CYTH1: variants seen among roughly 807,000 people sequenced by gnomAD.
CYTH1 encodes the protein cytohesin 1.
A neutral mutation model predicts 61.8 loss-of-function variants in CYTH1; 18 were observed. The ratio of observed to expected loss-of-function variants is 0.29; its 90% CI spans 0.20 to 0.43. The LOEUF (loss-of-function observed/expected upper bound fraction) is 0.43, where lower values mean the gene tolerates loss of function less well. CYTH1 is among the 20% of genes least tolerant of loss of function. The pLI is 1.00. For synonymous variants in CYTH1, 174 were observed against 184.3 expected, an observed-to-expected ratio of 0.94 and a Z score of 0.45; for missense variants, 336 against 510.5, an observed-to-expected ratio of 0.66 and a Z score of 3.29.
chr17:78,702,935 C>G (rs945885052), intron 3 of CYTH1, among the ~76,000 whole-genome samples: 2 of 152,080 alleles, frequency 1.3e-5, no homozygotes, highest in Non-Finnish European at 2.9e-5. Context: ...GATCCTCCCA[C>G]CTCAGCCTCC....
At chr17:78,762,748 C>T (rs2093433842) in intron 1 of CYTH1, among the ~76,000 whole-genome samples, 1 of 152,144 alleles carries the variant, frequency 6.6e-6, no homozygotes, top group South Asian at 2.1e-4. Context: ...GAGACTCAAT[C>T]AGCCACTGCT....
intron 13 of CYTH1, chr17:78,677,404 C>G (rs1467489415): frequency 5.0e-6 from 1 of 200,618 alleles, no homozygotes; most frequent in Admixed American, 5.7e-5. Flanking sequence ...CCTGCCTGGC[C>G]CTGCCTGCTG....
chr17:78,691,558 T>C (rs2092886285), intron 11 of CYTH1: 2 of 152,240 alleles, frequency 1.3e-5, no homozygotes, highest in Admixed American at 6.5e-5. Flanking sequence ...TCCATGAAGA[T>C]ACACTTGGAG....
chr17:78,730,594 GT>G (rs1200471519), intron 1 of CYTH1, among the ~76,000 whole-genome samples: 2 of 151,798 alleles, frequency 1.3e-5, no homozygotes, highest in East Asian at 3.9e-4. Flanking sequence ...CTTTTTTTAG[GT>G]CAGAAATTGA....
intron 1 of CYTH1, among the ~76,000 whole-genome samples, chr17:78,760,405 A>G (rs867933999): frequency 3.0e-4 from 16 of 54,042 alleles, no homozygotes; most frequent in African/African-American, 5.7e-4. Context: ...ACATATATAT[A>G]TGTGTATATA....
At chr17:78,749,276 A>G (rs1353284703) in intron 1 of CYTH1, among the ~76,000 whole-genome samples, 2 of 152,102 alleles carry the variant, frequency 1.3e-5, no homozygotes, top group Non-Finnish European at 2.9e-5. Context: ...CCTGGTCAAC[A>G]TGGCGAAACC....
At chr17:78,699,641 T>C (rs2092987453) in intron 7 of CYTH1, among the ~76,000 whole-genome samples, 2 of 152,242 alleles carry the variant, frequency 1.3e-5, no homozygotes, top group South Asian at 4.1e-4. Flanking sequence ...TACGTAAATA[T>C]GACTATGTAT....
At chr17:78,711,811 T>A (rs1251088935) in intron 1 of CYTH1, among the ~76,000 whole-genome samples, 1 of 152,038 alleles carries the variant, frequency 6.6e-6, no homozygotes, top group Non-Finnish European at 1.5e-5. Flanking sequence ...CCAGGCCTTG[T>A]AGCTCACGCC....
chr17:78,721,052 G>T (rs2093224200), intron 1 of CYTH1, among the ~76,000 whole-genome samples: 1 of 152,162 alleles, frequency 6.6e-6, no homozygotes, highest in Non-Finnish European at 1.5e-5. Flanking sequence ...TTTACAACTG[G>T]GTGTGGTGGC....
intron 13 of CYTH1, 86 bp from the exon 14 acceptor site, chr17:78,676,255 T>A: frequency 7.4e-7 from 1 of 1,360,508 alleles, no homozygotes; most frequent in Non-Finnish European, 1.0e-6. Flanking sequence ...CAGGGGCCCC[T>A]CGTGCCCCAG....
In CYTH1 at chr17:78,675,155, C is replaced by G. The variant is rs541614205; in HGVS notation, c.*936G>C. 1.3e-5 allele frequency: 2 copies of G among 152,198 alleles called. No individual in the cohort carries two copies. The highest frequency in any genetic ancestry group is 4.8e-5 in the African/African-American group (2 of 41,436). The allele number at this position is 152,198 out of a possible 1,614,324, so 9.4% of individuals were successfully genotyped here. A position where few individuals can be genotyped will look rare whatever the true frequency, so the allele number is the denominator to read the frequency against. ...AACAGGTTATCCGGAACCTCTGTCC[C>G]GATAACCTTCCTCACAGTTTTGGTT... is the stretch of plus-strand genomic sequence containing the variant. On this transcript the variant is annotated 3_prime_UTR_variant, in exon 14 of 14. Coordinates refer to ENST00000446868, the MANE Select transcript of CYTH1 (RefSeq NM_004762.6).
chr17:78,747,727 AT>A lies in CYTH1; in HGVS notation c.22+34474del, dbSNP rs1253844657. Among the ~76,000 whole-genome samples, 3 of 152,162 alleles carry A rather than the reference AT, an allele frequency of 2.0e-5. No individual in the cohort carries two copies. In the East Asian group the frequency reaches 5.8e-4, roughly 29 times the overall value. Reference sequence around the variant, plus strand: ...ATGTTGCAGCATGTGTCAGAACTTCATTCCTTTTTATGACTAAAGAATCTTC... The same window carrying A: ...ATGTTGCAGCATGTGTCAGAACTTCATCCTTTTTATGACTAAAGAATCTTC... On this transcript the variant is annotated intron_variant, in intron 1 of 13. Coordinates refer to ENST00000446868, the MANE Select transcript of CYTH1 (RefSeq NM_004762.6).
chr17:78,684,381 C>T lies in CYTH1; in HGVS notation c.892-3339G>A, dbSNP rs144307620. The stretch of plus-strand genomic sequence containing the variant: ...TGTAAAATCCCAAATATTAAAAAGG[C>T]CCCTGCCTAGAACTTTCACTGGACT... On this transcript the variant is annotated intron_variant, in intron 11 of 13. Coordinates refer to ENST00000446868, the MANE Select transcript of CYTH1 (RefSeq NM_004762.6). Among the ~76,000 whole-genome samples, 19 of 152,342 alleles carry T rather than the reference C, an allele frequency of 1.2e-4. No individual in the cohort carries two copies. In the East Asian group the frequency reaches 2.5e-3, roughly 20 times the overall value.
At chr17:78,679,844 A>G (rs1467776467) in intron 13 of CYTH1, among the ~76,000 whole-genome samples, 1 of 152,176 alleles carries the variant, frequency 6.6e-6, no homozygotes, top group African/African-American at 2.4e-5. Flanking sequence ...CATGACTACT[A>G]TCTCCTCTGA....
At chr17:78,779,088 G>T (rs1240015093) in intron 1 of CYTH1, among the ~76,000 whole-genome samples, 1 of 152,114 alleles carries the variant, frequency 6.6e-6, no homozygotes, top group Admixed American at 6.6e-5. Flanking sequence ...AAAATAAAAG[G>T]ATGATATTTA....
chr17:78,721,888 A>G (rs969505731), intron 1 of CYTH1, among the ~76,000 whole-genome samples: 4 of 152,108 alleles, frequency 2.6e-5, no homozygotes, highest in African/African-American at 9.7e-5. Flanking sequence ...TCTACCAAAA[A>G]TATACAAAAT....
chr17:78,679,361 C>T (rs1383216780), intron 13 of CYTH1, among the ~76,000 whole-genome samples: 11 of 152,100 alleles, frequency 7.2e-5, no homozygotes, highest in South Asian at 2.1e-4. Context: ...GAAAGGATCA[C>T]TGAGAGAAGG....
chr17:78,695,776 A>G (rs189358679), intron 10 of CYTH1, among the ~76,000 whole-genome samples: 1 of 152,356 alleles, frequency 6.6e-6, no homozygotes, highest in Admixed American at 6.5e-5. Flanking sequence ...TTCTTGCATT[A>G]CTGCATTCAG....
intron 1 of CYTH1, among the ~76,000 whole-genome samples, chr17:78,714,904 C>G (rs1016835875): frequency 2.0e-5 from 3 of 151,768 alleles, no homozygotes; most frequent in Non-Finnish European, 4.4e-5. Context: ...ACAGAAAACT[C>G]TGGAAAAGGG....
Sources: gnomAD v4.1 joint callset for allele counts (sites outside exome capture counted in the v4.1 genomes callset) on GRCh38, gnomAD v4.1.1 for gene constraint, MANE v1.5 for transcripts, NCBI Gene and HGNC (gene_info 2026-07-23, HGNC 2026-07-21) for gene names.